The following TTLL9 variants were observed in gnomAD, a reference collection of about 807,000 sequenced individuals.
TTLL9 encodes probable tubulin polyglutamylase TTLL9.
In TTLL9, 47 loss-of-function variants were observed where a neutral mutation model predicts 65.6. That is an observed-to-expected ratio of 0.72 (90% CI 0.57 to 0.91). The LOEUF is 0.91. Ranked by LOEUF, TTLL9 falls within the 40% of genes least tolerant of loss-of-function variation. The pLI is 0.00. For missense variants in TTLL9, 537 were observed against 568.8 expected (o/e 0.94, Z 0.57); for synonymous variants, 179 against 204.8 (o/e 0.87, Z 1.07).
At chr20:31,934,670 G>A (rs768584268) in intron 11 of TTLL9, 22 bp from the exon 12 acceptor site, 12 of 1,596,522 alleles carry the variant, frequency 7.5e-6, no homozygotes, top group African/African-American at 4.0e-5. Flanking sequence ...CTCCTCTCTC[G>A]ACCCGGCTGC....
chr20:31,871,257 T>TGTAAAGAA (rs2062926820), intron 2 of TTLL9, 62 bp downstream of exon 2: 1 of 1,553,842 alleles, frequency 6.4e-7, no homozygotes, highest in East Asian at 2.2e-5. Flanking sequence ...CATCAGGATG[T>TGTAAAGAA]ATTAATAGCT....
At chr20:31,878,878 T>A (rs961230021) in intron 2 of TTLL9, among the ~76,000 whole-genome samples, 2 of 152,204 alleles carry the variant, frequency 1.3e-5, no homozygotes, top group African/African-American at 4.8e-5. Context: ...ATTCAAATAA[T>A]GAAATGCGTA....
At position 31,934,188 on chromosome 20, in the gene TTLL9, G is replaced by C. The variant is rs118089388; in HGVS notation, c.807+330G>C. 620 of 496,412 alleles carry C rather than the reference G, an allele frequency of 1.2e-3. 3 individuals carry two copies. Among genetic ancestry groups the C allele is most frequent in the Non-Finnish European group, 2.1e-3 (554 of 263,738 alleles). 30.8% of individuals were successfully genotyped at this position (496,412 alleles called of 1,614,324 possible). A position where few individuals can be genotyped will look rare whatever the true frequency, so the allele number is the denominator to read the frequency against. On this transcript the variant is annotated intron_variant, in intron 11 of 14. Coordinates refer to ENST00000535842, the MANE Select transcript of TTLL9 (RefSeq NM_001008409.5). ...TCATACAGATATATTTTATCTCTCT[G>C]TCTATGTAAAATAACCTGCAAGGCC...
At chr20:31,888,588 C>T (rs984167862) in intron 3 of TTLL9, among the ~76,000 whole-genome samples, 10 of 152,130 alleles carry the variant, frequency 6.6e-5, no homozygotes, top group African/African-American at 2.4e-4. Context: ...TCTGCTGCCT[C>T]AGCCTCCCGA....
chr20:31,895,134 C>A (rs2063364284), intron 3 of TTLL9, among the ~76,000 whole-genome samples: 1 of 152,158 alleles, frequency 6.6e-6, no homozygotes, highest in Non-Finnish European at 1.5e-5. Context: ...TAGACTAGGG[C>A]AGCCCCCAGC....
intron 1 of TTLL9, 48 bp from the exon 2 acceptor site, chr20:31,871,074 C>T: frequency 6.5e-7 from 1 of 1,542,308 alleles, no homozygotes; most frequent in Non-Finnish European, 9.0e-7. Flanking sequence ...TCTTCCCATC[C>T]ATTCATCCAT....
At chr20:31,893,210 T>G (rs958115440) in intron 3 of TTLL9, among the ~76,000 whole-genome samples, 3 of 152,182 alleles carry the variant, frequency 2.0e-5, no homozygotes, top group African/African-American at 7.2e-5. Context: ...GTTGATCTTT[T>G]TTTCTTTAAG....
In TTLL9 at chr20:31,914,213, C is replaced by T. The variant is rs1382357975; in HGVS notation, c.504+4291C>T. Reference sequence around the variant, plus strand: ...TTTTTCACTGAGACTTTCTAAGAGTCGGGATGCTTTACTCAGTAAATAATA... The same window carrying T: ...TTTTTCACTGAGACTTTCTAAGAGTTGGGATGCTTTACTCAGTAAATAATA... On this transcript the variant is annotated intron_variant, in intron 6 of 14. Coordinates refer to ENST00000535842, the MANE Select transcript of TTLL9 (RefSeq NM_001008409.5). Among the ~76,000 whole-genome samples, 7 of 152,164 alleles carry T rather than the reference C, an allele frequency of 4.6e-5. No individual in the cohort carries two copies. In the South Asian group the frequency reaches 1.0e-3, roughly 22 times the overall value.
rs772566039 is a variant in TTLL9, at chr20:31,942,986, T to C, written c.1285T>C (p.Cys429Arg). 1 of 1,614,132 alleles carries C rather than the reference T, an allele frequency of 6.2e-7. No individual in the cohort carries two copies. The highest frequency in any genetic ancestry group is 1.7e-5 in the Admixed American group (1 of 60,020). The change falls in exon 15 of 15, where the codon TGC (cysteine) becomes CGC (arginine). Residue 429 changes from cysteine to arginine, a missense_variant. Physicochemically the swap from Cys to Arg is radical, Grantham distance 180. This residue lies in a region of TTLL9 where 205 missense variants were observed against 225.9 expected (regional missense o/e 0.91). Coordinates refer to ENST00000535842, the MANE Select transcript of TTLL9 (RefSeq NM_001008409.5). ...GAAGAAACAACTGAGGCAGCTCTTC[T>C]GCTCCCTTCAAGTTCAGAAGAAAGC... The part of the protein sequence containing the change: ...DRKKQLRQLF[C>R]SLQVQKKASS
At chr20:31,935,591 G>A (rs1006962461) in intron 12 of TTLL9, among the ~76,000 whole-genome samples, 2 of 152,220 alleles carry the variant, frequency 1.3e-5, no homozygotes, top group African/African-American at 4.8e-5. Flanking sequence ...ACCTAAGTCA[G>A]GCCCTTGCTC....
At chr20:31,942,455 G>A (rs983175873) in intron 14 of TTLL9, among the ~76,000 whole-genome samples, 1 of 152,090 alleles carries the variant, frequency 6.6e-6, no homozygotes, top group Admixed American at 6.5e-5. Context: ...AACAGTACTG[G>A]GCAGCTATGA....
At chr20:31,927,429 C>G (rs539329759) in intron 10 of TTLL9, among the ~76,000 whole-genome samples, 2 of 136,802 alleles carry the variant, frequency 1.5e-5, no homozygotes, top group South Asian at 4.5e-4. Flanking sequence ...TGCAGTGAAC[C>G]GAGATCACGC....
intron 10 of TTLL9, among the ~76,000 whole-genome samples, chr20:31,932,984 C>T (rs553134473): frequency 1.2e-4 from 19 of 152,018 alleles, no homozygotes; most frequent in Non-Finnish European, 1.9e-4. Flanking sequence ...CAAAAGACTA[C>T]GTCTCAAAAC....
chr20:31,923,980 C>G (rs1395301630), intron 8 of TTLL9, among the ~76,000 whole-genome samples: 1 of 152,186 alleles, frequency 6.6e-6, no homozygotes, highest in African/African-American at 2.4e-5. Flanking sequence ...GCCAACCACT[C>G]AAACCCAACA....
At chr20:31,893,264 T>C (rs2063332493) in intron 3 of TTLL9, among the ~76,000 whole-genome samples, 1 of 152,062 alleles carries the variant, frequency 6.6e-6, no homozygotes, top group Non-Finnish European at 1.5e-5. Context: ...TTATGTTGTT[T>C]CTGATGTGAA....
chr20:31,886,315 C>T (rs577045190), intron 2 of TTLL9, among the ~76,000 whole-genome samples: 4 of 152,236 alleles, frequency 2.6e-5, no homozygotes, highest in Non-Finnish European at 4.4e-5. Context: ...GGACCAATTT[C>T]GATTTCTCTC....
intron 2 of TTLL9, among the ~76,000 whole-genome samples, chr20:31,881,053 G>A (rs943841192): frequency 1.3e-5 from 2 of 151,678 alleles, no homozygotes; most frequent in African/African-American, 4.8e-5. Flanking sequence ...GAGTCTCTAT[G>A]TTATGTTGCT....
chr20:31,936,014 T>C (rs1358751701), intron 12 of TTLL9, among the ~76,000 whole-genome samples: 1 of 152,138 alleles, frequency 6.6e-6, no homozygotes, highest in Non-Finnish European at 1.5e-5. Context: ...ATTTGTAAAA[T>C]GGGAAACACC....
chr20:31,894,298 C>A (rs1277828353), intron 3 of TTLL9, among the ~76,000 whole-genome samples: 3 of 151,526 alleles, frequency 2.0e-5, no homozygotes, highest in Non-Finnish European at 4.4e-5. Flanking sequence ...GAAATGGGGT[C>A]TCACTGTGTT....
Sources: allele counts gnomAD v4.1 joint callset (sites outside exome capture counted in the v4.1 genomes callset), GRCh38; gene constraint gnomAD v4.1.1; regional missense constraint gnomAD v4.1.1; transcripts MANE v1.5; gene names NCBI Gene and HGNC (gene_info 2026-07-23, HGNC 2026-07-21).